DZIP3: variants seen among roughly 807,000 people sequenced by gnomAD.
DZIP3 encodes DAZ interacting zinc finger protein 3.
A neutral mutation model predicts 162.0 loss-of-function variants in DZIP3; 118 were observed. The ratio of observed to expected loss-of-function variants is 0.73; its 90% CI spans 0.63 to 0.85. The LOEUF (loss-of-function observed/expected upper bound fraction) is 0.85, where lower values mean the gene tolerates loss of function less well. Among genes scored for constraint, DZIP3 ranks in the 40% least tolerant of loss-of-function variants. The pLI is 0.00. For synonymous variants in DZIP3, 438 were observed against 458.6 expected (o/e 0.96, Z 0.57); for missense variants, 1,331 against 1,407.0 (o/e 0.95, Z 0.86).
At chr3:108,631,055 A>ACACACACACACACACTCTCT in intron 8 of DZIP3, among the ~76,000 whole-genome samples, 95 of 17,996 alleles carry the variant, frequency 5.3e-3, no homozygotes, top group Non-Finnish European at 6.4e-3. Flanking sequence ...ACACACACAC[A>ACACACACACACACACTCTCT]CTCTCTCTCT....
At chr3:108,590,838 A>G (rs1232434151) in intron 1 of DZIP3, among the ~76,000 whole-genome samples, 2 of 152,202 alleles carry the variant, frequency 1.3e-5, no homozygotes, top group East Asian at 3.8e-4. Context: ...TACCTGGTTC[A>G]TAGGACTGTT....
At chr3:108,685,573 A>G (rs1249234921) in intron 27 of DZIP3, among the ~76,000 whole-genome samples, 7 of 152,218 alleles carry the variant, frequency 4.6e-5, no homozygotes, top group Non-Finnish European at 1.0e-4. Flanking sequence ...AATCTTAAGA[A>G]GGAACTACCA....
rs977771114 is a variant in DZIP3 at position 108,614,739 on chromosome 3, T to C, written c.259-1802T>C. Among the ~76,000 whole-genome samples, 5 of 152,298 alleles carry C rather than the reference T, an allele frequency of 3.3e-5. 1 individual carries two copies. In the East Asian group the frequency reaches 5.8e-4, roughly 18 times the overall value. On this transcript the variant is annotated intron_variant, in intron 4 of 32. Transcript: ENST00000361582. ...TCAATCAGTAGGTCTTGGGAGTTAT[T>C]ATATGAATATCCCAGTTGCCTCTTC...
At chr3:108,625,773 A>G (rs1941561756) in intron 6 of DZIP3, 72 bp from the exon 7 acceptor site, 1 of 1,411,248 alleles carries the variant, frequency 7.1e-7, no homozygotes, top group Admixed American at 2.8e-5. Flanking sequence ...CCAGTTTGAG[A>G]AGTAATTGTT....
chr3:108,666,357 A>G (rs901004628), intron 21 of DZIP3, among the ~76,000 whole-genome samples: 8 of 152,176 alleles, frequency 5.3e-5, no homozygotes, highest in African/African-American at 1.9e-4. Context: ...CAAGAACCTC[A>G]AGGTATATGT....
rs1275229306 is a variant in DZIP3, at chr3:108,597,458, A to T, written c.-73+7619A>T. ...TCTGAATCCAGTGTTAAGTATAAGT[A>T]GAGTGTAAGTAAAGATGAAAATGAT... On this transcript the variant is annotated intron_variant, in intron 1 of 32. Transcript: ENST00000361582. 2.0e-5 allele frequency among the ~76,000 whole-genome samples: 3 copies of T among 152,056 alleles called. No individual in the cohort carries two copies. In the East Asian group the frequency reaches 5.8e-4, roughly 29 times the overall value.
intron 24 of DZIP3, among the ~76,000 whole-genome samples, chr3:108,674,852 GATT>G (rs1944046895): frequency 6.6e-6 from 1 of 151,776 alleles, no homozygotes; most frequent in Non-Finnish European, 1.5e-5. Flanking sequence ...ATTTTTAAAT[GATT>G]ATTATTTTAA....
At position 108,675,478 on chromosome 3, in the gene DZIP3, T is replaced by G. The variant is rs139114926; in HGVS notation, c.2694-308T>G. 6.6e-3 allele frequency among the ~76,000 whole-genome samples: 1,004 copies of G among 152,146 alleles called. 5 individuals are homozygous for G. The highest frequency in any genetic ancestry group is 0.023 in the African/African-American group (948 of 41,536). The stretch of plus-strand genomic sequence containing the variant: ...TATTAGATTACTAAGGCTTTCCTGC[T>G]TCATTGGAAAGATTCCTTACAAAGG... On this transcript the variant is annotated intron_variant, in intron 24 of 32. Transcript: ENST00000361582.
At chr3:108,593,200 T>G (rs1309171147) in intron 1 of DZIP3, among the ~76,000 whole-genome samples, 1 of 152,236 alleles carries the variant, frequency 6.6e-6, no homozygotes, top group Non-Finnish European at 1.5e-5. Context: ...TTACACTTAT[T>G]GAGCATTTGC....
At chr3:108,593,357 A>G (rs1159673461) in intron 1 of DZIP3, among the ~76,000 whole-genome samples, 1 of 152,206 alleles carries the variant, frequency 6.6e-6, no homozygotes, top group Non-Finnish European at 1.5e-5. Flanking sequence ...GGTCACGTAG[A>G]CAGTAGTAAC....
chr3:108,677,346 T>TC (rs911571655), intron 25 of DZIP3, 151 bp from the exon 26 acceptor site: 2 of 514,738 alleles, frequency 3.9e-6, no homozygotes, highest in Non-Finnish European at 6.8e-6. Flanking sequence ...ATTTTTTTTT[T>TC]TTTTTGGTCA....
intron 19 of DZIP3, among the ~76,000 whole-genome samples, chr3:108,655,348 G>A (rs566499931): frequency 6.6e-6 from 1 of 152,274 alleles, no homozygotes; most frequent in South Asian, 2.1e-4. Flanking sequence ...AATTAAGACT[G>A]CCTTAGAATG....
intron 28 of DZIP3, among the ~76,000 whole-genome samples, chr3:108,687,045 T>C (rs1944525629): frequency 6.6e-6 from 1 of 152,160 alleles, no homozygotes; most frequent in Non-Finnish European, 1.5e-5. Flanking sequence ...AAATCATAAC[T>C]TTACTGTGCT....
At chr3:108,612,700 TAA>T (rs1359547626) in intron 4 of DZIP3, among the ~76,000 whole-genome samples, 1 of 152,180 alleles carries the variant, frequency 6.6e-6, no homozygotes, top group Non-Finnish European at 1.5e-5. Context: ...ATTACATATC[TAA>T]TACAATGTAA....
chr3:108,645,848 A>G (rs141719692), intron 14 of DZIP3, among the ~76,000 whole-genome samples: 15 of 152,346 alleles, frequency 9.8e-5, no homozygotes, highest in African/African-American at 3.6e-4. Context: ...AAAGTCAGGC[A>G]AGAATTTTTG....
chr3:108,651,751 G>T (rs1177315325), intron 18 of DZIP3, among the ~76,000 whole-genome samples: 1 of 151,724 alleles, frequency 6.6e-6, no homozygotes, highest in Non-Finnish European at 1.5e-5. Context: ...CATGCATTGT[G>T]CATGATTAAT....
Position 108,644,264 on chromosome 3 carries a change from G to C in DZIP3, c.1242G>C (p.Glu414Asp). 6.2e-7 allele frequency: 1 copy of C among 1,613,838 alleles called. No homozygotes were observed. The highest frequency in any genetic ancestry group is 8.5e-7 in the Non-Finnish European group (1 of 1,179,932). ...ACATTGTTCGACAAATATTTGATGAGGCTATGCCACCTCCTCTTTTGAAAA... is the reference window on the plus strand; with the variant it reads ...ACATTGTTCGACAAATATTTGATGACGCTATGCCACCTCCTCTTTTGAAAA... Reference protein sequence around the residue: ...GTDIVRQIFDEAMPPPLLKKE... With the variant: ...GTDIVRQIFDDAMPPPLLKKE... The change falls in exon 14 of 33, where the codon GAG (glutamate) becomes GAC (aspartate). Residue 414 changes from glutamate to aspartate, a missense_variant. Glu to Asp is a conservative substitution (Grantham distance 45, BLOSUM62 2). Around this residue, in one of 2 missense-constraint regions of DZIP3, gnomAD observed 1,278 missense variants for 1,317.1 expected, o/e 0.97. Transcript: ENST00000361582.
At chr3:108,659,495 G>A (rs554157462) in intron 19 of DZIP3, among the ~76,000 whole-genome samples, 6 of 152,086 alleles carry the variant, frequency 3.9e-5, no homozygotes, top group Admixed American at 2.0e-4. Context: ...TCTCAAAATA[G>A]TAAGAGCTAT....
In DZIP3 at chr3:108,684,209, A is replaced by G. The variant is rs1476021630; in HGVS notation, c.2884-7A>G. On this transcript the variant is annotated splice_polypyrimidine_tract_variant and splice_region_variant and intron_variant, in intron 26 of 32. Transcript: ENST00000361582. ...TTGTTTATTATTGTTTATATTTTCT[A>G]TTTTAGATGCAGCAGTTCTTAGGAA... 1.2e-6 allele frequency: 2 copies of G among 1,601,138 alleles called. No homozygotes were observed. The highest frequency in any genetic ancestry group is 1.4e-5 in the African/African-American group (1 of 73,928).
Sources: gnomAD v4.1 joint callset for allele counts (sites outside exome capture counted in the v4.1 genomes callset) on GRCh38, gnomAD v4.1.1 for gene constraint, gnomAD v4.1.1 regional missense constraint, MANE v1.5 for transcripts, NCBI Gene and HGNC (gene_info 2026-07-23, HGNC 2026-07-21) for gene names.